PARD3B: variants seen among roughly 807,000 people sequenced by gnomAD.
The protein encoded by PARD3B is partitioning defective 3 homolog B.
A neutral mutation model predicts 130.2 loss-of-function variants in PARD3B; 103 were observed. That is an observed-to-expected ratio of 0.79 (90% CI 0.67 to 0.93). The LOEUF is 0.93. Among genes scored for constraint, PARD3B ranks in the 40% least tolerant of loss-of-function variants. The probability of loss-of-function intolerance (pLI) is 0.00; values close to 1 mark genes in which losing one functional copy is unlikely to be tolerated. For synonymous variants in PARD3B, 583 were observed against 553.2 expected (o/e 1.05, Z -0.76); for missense variants, 1,609 against 1,499.2 (o/e 1.07, Z -1.21).
chr2:205,171,719 G>A (rs974990492), intron 11 of PARD3B, among the ~76,000 whole-genome samples: 1 of 151,870 alleles, frequency 6.6e-6, no homozygotes, highest in African/African-American at 2.4e-5. Flanking sequence ...TTTTAGTACT[G>A]TTCAGTAGAG....
rs1295579725 is a variant in PARD3B, at chr2:205,156,513, C to A, written c.1435-2209C>A. On this transcript the variant is annotated intron_variant, in intron 10 of 22. Transcript: ENST00000406610. ...ATGTCAAACATGAAAATGCAGCAGACCACTCAGAAGTATTCACTAGAGGAA... is the reference window on the plus strand; with the variant it reads ...ATGTCAAACATGAAAATGCAGCAGAACACTCAGAAGTATTCACTAGAGGAA... 2.0e-5 allele frequency among the ~76,000 whole-genome samples: 3 copies of A among 149,866 alleles called. No individual in the cohort carries two copies. The East Asian group carries it at 5.9e-4, about 29-fold the overall frequency.
chr2:204,668,936 T>G (rs940737191), intron 1 of PARD3B, among the ~76,000 whole-genome samples: 8 of 152,002 alleles, frequency 5.3e-5, no homozygotes, highest in African/African-American at 1.9e-4. Context: ...CCATTTATGG[T>G]TTTGAAGTTG....
chr2:205,439,064 C>T (rs1246573939), intron 19 of PARD3B, among the ~76,000 whole-genome samples: 1 of 152,042 alleles, frequency 6.6e-6, no homozygotes, highest in Admixed American at 6.6e-5. Context: ...AGAAAAATAC[C>T]TCAGAAAATC....
intron 16 of PARD3B, among the ~76,000 whole-genome samples, chr2:205,252,038 A>C (rs2039872684): frequency 6.6e-6 from 1 of 152,200 alleles, no homozygotes. Flanking sequence ...ATTGTGAAGC[A>C]ACTCTAGTAT....
At chr2:204,622,502 T>A (rs2034340124) in intron 1 of PARD3B, among the ~76,000 whole-genome samples, 1 of 152,188 alleles carries the variant, frequency 6.6e-6, no homozygotes, top group African/African-American at 2.4e-5. Context: ...TGTATGTTAC[T>A]GGCTTTTAGG....
At chr2:205,144,881 G>T (rs576550558) in intron 10 of PARD3B, among the ~76,000 whole-genome samples, 2 of 152,244 alleles carry the variant, frequency 1.3e-5, no homozygotes, top group East Asian at 3.9e-4. Context: ...TGCTTTTATT[G>T]TTTGATTTTC....
At chr2:205,052,570 G>A (rs1360444014) in intron 4 of PARD3B, among the ~76,000 whole-genome samples, 1 of 150,976 alleles carries the variant, frequency 6.6e-6, no homozygotes, top group Non-Finnish European at 1.5e-5. Flanking sequence ...ATGGGGGTGT[G>A]TTTCATGAAA....
At chr2:204,863,366 A>T (rs2045288832) in intron 2 of PARD3B, among the ~76,000 whole-genome samples, 1 of 151,998 alleles carries the variant, frequency 6.6e-6, no homozygotes, top group Admixed American at 6.6e-5. Context: ...GAGGAGTCGT[A>T]CTCTCAGCCC....
rs868835999 is a variant in PARD3B at position 205,287,929 on chromosome 2, G to A, written c.2186-12601G>A. 2.6e-5 allele frequency among the ~76,000 whole-genome samples: 4 copies of A among 152,080 alleles called. No homozygotes were observed. Among genetic ancestry groups the A allele is most frequent in the Non-Finnish European group, 5.9e-5 (4 of 68,006 alleles). The stretch of plus-strand genomic sequence containing the variant: ...TCACCTTCTTGTAACCTTGTTTCCC[G>A]CTGGCAAAGATTCCTCAGGCTGAGT... On this transcript the variant is annotated intron_variant, in intron 16 of 22. Coordinates refer to ENST00000406610, the MANE Select transcript of PARD3B (RefSeq NM_001302769.2). The surrounding 1 kb of genome is among the most constrained non-coding windows in gnomAD (Gnocchi z 4.8).
chr2:204,890,539 C>T lies in PARD3B; in HGVS notation c.223-74613C>T, dbSNP rs2046406773. Among the ~76,000 whole-genome samples, 1 of 151,982 alleles carries T rather than the reference C, an allele frequency of 6.6e-6. No homozygotes were observed. Among genetic ancestry groups the T allele is most frequent in the African/African-American group, 2.4e-5 (1 of 41,386 alleles). ...AGGAACAGTATGTTAATGGATTTTC[C>T]TTGTTTTGGGTACCATCATTGATTT... On this transcript the variant is annotated intron_variant, in intron 2 of 22. Transcript: ENST00000406610. The surrounding 1 kb of genome is among the most constrained non-coding windows in gnomAD (Gnocchi z 4.9).
rs2033734209 is a variant in PARD3B at position 204,606,630 on chromosome 2, C to T, written c.120+60511C>T. Among the ~76,000 whole-genome samples the T allele has an allele frequency of 6.6e-6, 1 of 152,120 alleles. No individual in the cohort carries two copies. On this transcript the variant is annotated intron_variant, in intron 1 of 22. Coordinates refer to ENST00000406610, the MANE Select transcript of PARD3B (RefSeq NM_001302769.2). The surrounding 1 kb of genome is among the most constrained non-coding windows in gnomAD (Gnocchi z 4.0). The stretch of plus-strand genomic sequence containing the variant: ...TATTATGTGCTCAGAATAGGAGAAT[C>T]AACCATTTATGAAGAAGCTCCAGTG...
intron 2 of PARD3B, among the ~76,000 whole-genome samples, chr2:204,773,455 A>G (rs1030116507): frequency 2.6e-5 from 4 of 152,138 alleles, no homozygotes; most frequent in Non-Finnish European, 4.4e-5. Context: ...CATACAAAAT[A>G]CAATCATTTT....
chr2:205,053,334 T>C (rs572863223), intron 4 of PARD3B, among the ~76,000 whole-genome samples: 25 of 151,478 alleles, frequency 1.7e-4, no homozygotes, highest in Middle Eastern at 3.4e-3. Context: ...TGCAGGTTGC[T>C]GACTATCAAA....
At chr2:204,556,942 CT>C (rs2030963591) in intron 1 of PARD3B, among the ~76,000 whole-genome samples, 1 of 151,778 alleles carries the variant, frequency 6.6e-6, no homozygotes. Context: ...CCATGGTTAC[CT>C]TTTACTTCTT....
At chr2:204,586,545 A>G (rs1169820366) in intron 1 of PARD3B, among the ~76,000 whole-genome samples, 3 of 152,340 alleles carry the variant, frequency 2.0e-5, no homozygotes, top group Non-Finnish European at 4.4e-5. Context: ...TTTTGCTTAA[A>G]TTGCCAACCA....
At chr2:205,157,463 T>C (rs1178316761) in intron 10 of PARD3B, among the ~76,000 whole-genome samples, 2 of 152,178 alleles carry the variant, frequency 1.3e-5, no homozygotes, top group African/African-American at 2.4e-5. Flanking sequence ...AAGAACTATT[T>C]CTTTAAAAGT....
chr2:205,169,016 T>C (rs1327910518), intron 11 of PARD3B, among the ~76,000 whole-genome samples: 4 of 152,214 alleles, frequency 2.6e-5, no homozygotes, highest in Admixed American at 6.5e-5. Context: ...CTCATCCTCT[T>C]TGGGCATCCC....
At chr2:204,995,683 C>G (rs945736752) in intron 3 of PARD3B, among the ~76,000 whole-genome samples, 3 of 103,020 alleles carry the variant, frequency 2.9e-5, no homozygotes, top group Admixed American at 1.1e-4. Flanking sequence ...TGTTTTCCAA[C>G]TTGGTTCCAT....
intron 2 of PARD3B, among the ~76,000 whole-genome samples, chr2:204,692,029 A>T (rs1465374201): frequency 6.6e-6 from 1 of 152,130 alleles, no homozygotes; most frequent in Non-Finnish European, 1.5e-5. Flanking sequence ...GGTTTGCGCA[A>T]TGCTGCATGA....
Sources: gnomAD v4.1 joint callset for allele counts (sites outside exome capture counted in the v4.1 genomes callset) on GRCh38, gnomAD v4.1.1 for gene constraint, Gnocchi (gnomAD v3.1) non-coding constraint, MANE v1.5 for transcripts, NCBI Gene and HGNC (gene_info 2026-07-23, HGNC 2026-07-21) for gene names.